The following CDKL3 variants were observed in gnomAD, a reference collection of about 807,000 sequenced individuals.
The protein encoded by CDKL3 is cyclin-dependent kinase-like 3.
CDKL3 carries 65 observed loss-of-function variants against 69.3 expected under a neutral mutation model. The observed-to-expected ratio is 0.94, with a 90% CI of 0.77 to 1.15. The LOEUF (loss-of-function observed/expected upper bound fraction) is 1.15, where lower values mean the gene tolerates loss of function less well. CDKL3 is among the 50% of genes most tolerant of loss of function. The pLI is 0.00. For synonymous variants in CDKL3, 202 were observed against 221.6 expected (o/e 0.91, Z 0.79); for missense variants, 652 against 689.2 (o/e 0.95, Z 0.61).
intron 10 of CDKL3, 119 bp from the exon 11 acceptor site, chr5:134,304,686 TAAG>T (rs557536879): frequency 0.015 from 10,221 of 703,948 alleles, 100 homozygotes; most frequent in Non-Finnish European, 0.019. Context: ...ATTTAATAAT[TAAG>T]AAGATTTAGA....
intron 8 of CDKL3, among the ~76,000 whole-genome samples, chr5:134,293,177 C>T (rs906961324): frequency 6.6e-6 from 1 of 151,782 alleles, no homozygotes; most frequent in South Asian, 2.1e-4. Flanking sequence ...TGCGCCACCA[C>T]GCCCAGCTAA....
downstream of CDKL3, chr5:134,298,176 C>T (rs557561644): frequency 8.5e-6 from 7 of 827,838 alleles, no homozygotes; most frequent in East Asian, 2.5e-4. Flanking sequence ...TCAAGTGATC[C>T]GCCTGCCTCA....
chr5:134,341,496 T>A (rs1750475664), intron 4 of CDKL3, among the ~76,000 whole-genome samples: 1 of 152,252 alleles, frequency 6.6e-6, no homozygotes, highest in African/African-American at 2.4e-5. Context: ...ATGATAATGA[T>A]ATGAGTTAAG....
intron 8 of CDKL3, among the ~76,000 whole-genome samples, chr5:134,288,397 C>T (rs150182804): frequency 3.7e-4 from 57 of 152,260 alleles, no homozygotes; most frequent in African/African-American, 1.2e-3. Context: ...ACCACAATAG[C>T]GGACACATTA....
intron 4 of CDKL3, among the ~76,000 whole-genome samples, chr5:134,330,200 T>A (rs1022945384): frequency 6.6e-6 from 1 of 152,084 alleles, no homozygotes; most frequent in African/African-American, 2.4e-5. Flanking sequence ...TTTACATTGT[T>A]AACTGAAGAA....
Position 134,308,359 on chromosome 5 carries a change from T to C in CDKL3, c.1143A>G (p.Gly381=), listed in dbSNP as rs1408226316. The C allele has an allele frequency of 1.9e-6, 3 of 1,613,816 alleles. No homozygotes were observed. The highest frequency in any genetic ancestry group is 2.5e-6 in the Non-Finnish European group (3 of 1,179,836). The change falls in exon 9 of 13, where the codon GGA becomes GGG. Residue 381 remains glycine, a synonymous_variant. Coordinates refer to ENST00000265334, the MANE Select transcript of CDKL3 (RefSeq NM_001113575.2). ...SEPKKKEYEG[G]LGQQDANENV... ...TTTCATTTGCATCCTGTTGACCAAG[T>C]CCACCTTCATACTCTTTCTTTTTTG...
At chr5:134,347,529 A>C (rs1205523841) in intron 4 of CDKL3, among the ~76,000 whole-genome samples, 1 of 152,062 alleles carries the variant, frequency 6.6e-6, no homozygotes, top group Admixed American at 6.5e-5. Context: ...ATGGGTAAAT[A>C]AAAAGAGCTC....
upstream of CDKL3, among the ~76,000 whole-genome samples, chr5:134,370,441 T>C (rs554330599): frequency 2.0e-5 from 3 of 152,340 alleles, no homozygotes; most frequent in South Asian, 6.2e-4. Context: ...CCCTCACTCA[T>C]GTCTGCCGGA....
chr5:134,295,805 G>A (rs1765320463), downstream of CDKL3, among the ~76,000 whole-genome samples: 1 of 152,190 alleles, frequency 6.6e-6, no homozygotes, highest in African/African-American at 2.4e-5. Flanking sequence ...GTGCTGGGTT[G>A]TACATTGTAT....
At chr5:134,354,665 G>T (rs1754120728) in intron 3 of CDKL3, among the ~76,000 whole-genome samples, 1 of 152,076 alleles carries the variant, frequency 6.6e-6, no homozygotes, top group Middle Eastern at 3.2e-3. Context: ...TACCGCTTCA[G>T]GAGCCGGGCG....
In CDKL3 at chr5:134,363,229, A is replaced by G. The variant is rs35859570; in HGVS notation, c.165+3130T>C. ...TTTTAGGTCATCAGGACATGAACTG[A>G]TATCTTTCACAAAATCATAACATCT... On this transcript the variant is annotated intron_variant, in intron 2 of 12. Coordinates refer to ENST00000265334, the MANE Select transcript of CDKL3 (RefSeq NM_001113575.2). Among the ~76,000 whole-genome samples, 1,046 of 152,290 alleles carry G rather than the reference A, an allele frequency of 6.9e-3. 10 individuals are homozygous for G. Among genetic ancestry groups the G allele is most frequent in the Non-Finnish European group, 0.011 (779 of 68,028 alleles).
At position 134,312,311 on chromosome 5, in the gene CDKL3, T is replaced by C. The variant is rs1336336022; in HGVS notation, c.862A>G (p.Arg288Gly). ...GCTTACTTTTCAATAAATCCATCTC[T>C]AGTAAAATACTCATGATGCAAAAGA... ...SDLLHHEYFT[R>G]DGFIEKFMPE... The change falls in exon 7 of 13, where the codon AGA becomes GGA. Residue 288 changes from arginine to glycine, a missense_variant. By Grantham distance (125) the Arg-to-Gly change is moderately radical (BLOSUM62 -2). Coordinates refer to ENST00000265334, the MANE Select transcript of CDKL3 (RefSeq NM_001113575.2). 5 of 1,586,132 alleles carry C rather than the reference T, an allele frequency of 3.2e-6. No homozygotes were observed. Among genetic ancestry groups the C allele is most frequent in the African/African-American group, 2.7e-5 (2 of 74,186 alleles).
Position 134,308,190 on chromosome 5 carries a change from TGTTA to T in CDKL3, c.1308_1311del (p.Asn437ValfsTer3). The T allele has an allele frequency of 1.2e-6, 2 of 1,613,894 alleles. No individual in the cohort carries two copies. Among genetic ancestry groups the T allele is most frequent in the Non-Finnish European group, 1.7e-6 (2 of 1,179,838 alleles). ...CTGAGATTTGCAGCCATCAAATTAC[TGTTA>T]GTTAGATTGATGGGTGGCATTGTCA... On this transcript the variant is annotated frameshift_variant, in exon 9 of 13. Coordinates refer to ENST00000265334, the MANE Select transcript of CDKL3 (RefSeq NM_001113575.2). LOFTEE classifies it high-confidence loss of function.
Position 134,353,828 on chromosome 5 carries a change from G to C in CDKL3, c.361-3401C>G, listed in dbSNP as rs372450712. ...CCGCCTCGGCCTCCCAAAGTGCTGG[G>C]ATTACAGGCGTGAGCCACCGTGCCT... On this transcript the variant is annotated intron_variant, in intron 3 of 12. Coordinates refer to ENST00000265334, the MANE Select transcript of CDKL3 (RefSeq NM_001113575.2). Among the ~76,000 whole-genome samples, 4 of 152,238 alleles carry C rather than the reference G, an allele frequency of 2.6e-5. No individual in the cohort carries two copies. The East Asian group carries it at 5.8e-4, about 22-fold the overall frequency.
chr5:134,356,352 C>T (rs1754612532), intron 3 of CDKL3, among the ~76,000 whole-genome samples: 1 of 152,192 alleles, frequency 6.6e-6, no homozygotes, highest in African/African-American at 2.4e-5. Context: ...GCCTGCTCGC[C>T]CACCACTCAT....
chr5:134,361,097 T>C (rs1181423634), intron 2 of CDKL3, among the ~76,000 whole-genome samples: 2 of 152,226 alleles, frequency 1.3e-5, no homozygotes. Flanking sequence ...ATGATGCCCA[T>C]GTATCAGCTT....
chr5:134,284,872 T>C (rs1764789373), downstream of CDKL3, among the ~76,000 whole-genome samples: 1 of 152,222 alleles, frequency 6.6e-6, no homozygotes, highest in African/African-American at 2.4e-5. Context: ...GTTATCCTAT[T>C]CTTTTTTAGG....
At chr5:134,361,770 G>T (rs1290278611) in intron 2 of CDKL3, among the ~76,000 whole-genome samples, 1 of 152,150 alleles carries the variant, frequency 6.6e-6, no homozygotes, top group Non-Finnish European at 1.5e-5. Context: ...CCAGCGTGGT[G>T]GTGGGCACCT....
chr5:134,333,981 T>C (rs1776434668), intron 4 of CDKL3, among the ~76,000 whole-genome samples: 1 of 152,214 alleles, frequency 6.6e-6, no homozygotes, highest in African/African-American at 2.4e-5. Flanking sequence ...ATTGGCTCAA[T>C]TTCAGAACCT....
Sources: allele counts gnomAD v4.1 joint callset (sites outside exome capture counted in the v4.1 genomes callset), GRCh38; gene constraint gnomAD v4.1.1; transcripts MANE v1.5; gene names NCBI Gene and HGNC (gene_info 2026-07-23, HGNC 2026-07-21).